Variants in ZC3H11A observed in about 807,000 individuals in gnomAD.
ZC3H11A encodes the protein zinc finger CCCH domain-containing protein 11A.
In ZC3H11A, 22 loss-of-function variants were observed where a neutral mutation model predicts 90.8. The observed-to-expected ratio is 0.24, with a 90% CI of 0.17 to 0.35. ZC3H11A has a LOEUF of 0.35. Among genes scored for constraint, ZC3H11A ranks in the 10% least tolerant of loss-of-function variants. The probability of loss-of-function intolerance (pLI) is 1.00; values close to 1 mark genes in which losing one functional copy is unlikely to be tolerated. For missense variants in ZC3H11A, 701 were observed against 964.9 expected (o/e 0.73, Z 3.62); for synonymous variants, 294 against 339.8 (o/e 0.87, Z 1.48).
chr1:203,811,618 T>G (rs1674513406), intron 2 of ZC3H11A, among the ~76,000 whole-genome samples: 1 of 152,002 alleles, frequency 6.6e-6, no homozygotes, highest in Non-Finnish European at 1.5e-5. Context: ...AAGCGATTCT[T>G]GTACATTAGC....
chr1:203,807,859 A>G (rs1011912092), intron 2 of ZC3H11A, among the ~76,000 whole-genome samples: 2 of 152,064 alleles, frequency 1.3e-5, no homozygotes, highest in African/African-American at 4.8e-5. Flanking sequence ...CTTCTGCCTC[A>G]GCGTCCCAAG....
chr1:203,816,042 G>A (rs1045431456), intron 2 of ZC3H11A, among the ~76,000 whole-genome samples: 2 of 152,152 alleles, frequency 1.3e-5, no homozygotes, highest in African/African-American at 4.8e-5. Flanking sequence ...CTTCATTAAC[G>A]TAAGCTAGAT....
At chr1:203,799,193 C>T (rs1287717775) in intron 1 of ZC3H11A, 1 of 1,178,658 alleles carries the variant, frequency 8.5e-7, no homozygotes, top group Non-Finnish European at 1.2e-6. Context: ...ATTTCCTTAT[C>T]CCTAGCTTCA....
rs1419399063 is a variant in ZC3H11A at position 203,854,060 on chromosome 1, C to T, written c.*1661C>T. On this transcript the variant is annotated 3_prime_UTR_variant, in exon 18 of 18. Transcript: ENST00000367210. Reference sequence around the variant, plus strand: ...TGTTTCGTGTTCCGCATTATTTGAACCATTTGCCCTTACAGAAAGAGAAAT... The same window carrying T: ...TGTTTCGTGTTCCGCATTATTTGAATCATTTGCCCTTACAGAAAGAGAAAT... The T allele has an allele frequency of 6.6e-6, 1 of 152,586 alleles. No individual in the cohort carries two copies. Among genetic ancestry groups the T allele is most frequent in the Non-Finnish European group, 1.5e-5 (1 of 68,038 alleles). 9.5% of individuals were successfully genotyped at this position (152,586 alleles called of 1,614,324 possible). A position where few individuals can be genotyped will look rare whatever the true frequency, so the allele number is the denominator to read the frequency against.
rs1553268924 is a variant in ZC3H11A, at chr1:203,841,156, T to TTA, written c.1042+782_1042+783insTA. Among the ~76,000 whole-genome samples, 9 of 144,140 alleles carry TTA rather than the reference T, an allele frequency of 6.2e-5. No homozygotes were observed. The South Asian group carries it at 6.4e-4, about 10-fold the overall frequency. The allele number at this position is 144,140 out of a possible 152,430, so 94.6% of individuals were successfully genotyped here. On this transcript the variant is annotated intron_variant, in intron 12 of 17. Transcript: ENST00000367210. ...AACATAAGAATCTTTTTTTTTTTTT[T>TTA]ATTTTTTTTTTTAGTATTTATTGAT... is the stretch of plus-strand genomic sequence containing the variant.
At chr1:203,842,906 A>G (rs1181739370) in intron 12 of ZC3H11A, among the ~76,000 whole-genome samples, 1 of 133,560 alleles carries the variant, frequency 7.5e-6, no homozygotes, top group Non-Finnish European at 1.6e-5. Context: ...ATGAACATCC[A>G]TGTATTCAGC....
chr1:203,797,802 C>T (rs904831183), intron 1 of ZC3H11A: 6 of 1,535,912 alleles, frequency 3.9e-6, no homozygotes, highest in Non-Finnish European at 8.7e-7. Context: ...ATCTGGGAGG[C>T]CTGTTGCAGA....
chr1:203,812,103 C>T (rs1674676921), intron 2 of ZC3H11A, among the ~76,000 whole-genome samples: 2 of 152,154 alleles, frequency 1.3e-5, no homozygotes, highest in Admixed American at 1.3e-4. Flanking sequence ...ATGTATGAGT[C>T]ACCACACTGG....
intron 2 of ZC3H11A, chr1:203,805,757 C>T (rs1017554569): frequency 4.4e-6 from 3 of 678,438 alleles, no homozygotes; most frequent in East Asian, 3.5e-5. Flanking sequence ...GCCACAAGCT[C>T]ATCACCCAGT....
rs776213740 is a variant in ZC3H11A at position 203,798,122 on chromosome 1, C to T, written c.-1588+2328C>T. On this transcript the variant is annotated intron_variant, in intron 1 of 17. Coordinates refer to ENST00000367210, the MANE Select transcript of ZC3H11A (RefSeq NM_001376342.1). ...TTGCTAGTGGAGAGGAGGACTTTAC[C>T]TTGGATGTGTCTTTATCTCCCTCTT... is the stretch of plus-strand genomic sequence containing the variant. 3.0e-5 allele frequency: 46 copies of T among 1,536,002 alleles called. 1 individual carries two copies. The South Asian group carries it at 5.2e-4, about 17-fold the overall frequency.
intron 2 of ZC3H11A, chr1:203,805,785 TAG>T: frequency 1.4e-6 from 1 of 713,176 alleles, no homozygotes; most frequent in East Asian, 3.4e-5. Flanking sequence ...ACTCTGCTTC[TAG>T]GTTGTCTTCA....
Position 203,829,801 on chromosome 1 carries a change from A to T in ZC3H11A, c.524A>T (p.Asp175Val). The T allele has an allele frequency of 6.2e-7, 1 of 1,614,078 alleles. No individual in the cohort carries two copies. The highest frequency in any genetic ancestry group is 8.5e-7 in the Non-Finnish European group (1 of 1,179,960). ...ATAGATCAGTTTTCTGAGGAAGGTG[A>T]TGAAACCAAAACACCTACCCTGCAA... ...DDDDQFSEEGDETKTPTLQPT... is the reference protein window; with the variant it reads ...DDDDQFSEEGVETKTPTLQPT... The change falls in exon 7 of 18, where the codon GAT (aspartate) becomes GTT (valine). Residue 175 changes from aspartate (D) to valine (V), a missense_variant. Coordinates refer to ENST00000367210, the MANE Select transcript of ZC3H11A (RefSeq NM_001376342.1).
chr1:203,829,350 A>G (rs1396722493), intron 5 of ZC3H11A, 101 bp from the exon 6 acceptor site: 2 of 1,189,272 alleles, frequency 1.7e-6, no homozygotes, highest in East Asian at 2.4e-5. Flanking sequence ...ATAAATGCTC[A>G]TAAGACAAAT....
chr1:203,834,345 C>T (rs1683492825), intron 10 of ZC3H11A, among the ~76,000 whole-genome samples: 1 of 152,170 alleles, frequency 6.6e-6, no homozygotes, highest in Non-Finnish European at 1.5e-5. Context: ...AATCTCAGCT[C>T]ACTGCAACCT....
At chr1:203,846,318 G>A (rs1687899717) in intron 12 of ZC3H11A, among the ~76,000 whole-genome samples, 1 of 151,914 alleles carries the variant, frequency 6.6e-6, no homozygotes, top group African/African-American at 2.4e-5. Flanking sequence ...GTGACATTTG[G>A]TCTTCAGTTT....
chr1:203,826,572 A>G (rs985801006), intron 4 of ZC3H11A, among the ~76,000 whole-genome samples: 1 of 152,116 alleles, frequency 6.6e-6, no homozygotes, highest in Non-Finnish European at 1.5e-5. Flanking sequence ...TGTATAATTG[A>G]ATTTTATCAC....
intron 2 of ZC3H11A, among the ~76,000 whole-genome samples, chr1:203,805,142 G>A (rs1671863433): frequency 1.0e-5 from 1 of 99,490 alleles, no homozygotes; most frequent in African/African-American, 3.7e-5. Flanking sequence ...ATACAGTAGT[G>A]ATTTTTTTTT....
rs139113788 is a variant in ZC3H11A, at chr1:203,852,189, G to A, written c.2223G>A (p.Glu741=). Residue 741 remains glutamate, a synonymous_variant, in exon 18 of 18, where the codon GAG becomes GAA. Transcript: ENST00000367210. ...TQSSSDSSPP[E]VSGPSSSQMS... ...CCTCTTCAGATTCCTCACCCCCGGA[G>A]GTGTCTGGCCCTTCCTCATCCCAAA... 4.5e-5 allele frequency: 73 copies of A among 1,613,474 alleles called. No homozygotes were observed. The African/African-American group carries it at 9.5e-4, about 21-fold the overall frequency.
chr1:203,823,185 G>A (rs1047694452), intron 4 of ZC3H11A, among the ~76,000 whole-genome samples: 3 of 152,170 alleles, frequency 2.0e-5, no homozygotes, highest in African/African-American at 7.2e-5. Context: ...AGATTCTCTA[G>A]GATGTATTCA....
Sources: gnomAD v4.1 joint callset for allele counts (sites outside exome capture counted in the v4.1 genomes callset) on GRCh38, gnomAD v4.1.1 for gene constraint, MANE v1.5 for transcripts, NCBI Gene and HGNC (gene_info 2026-07-23, HGNC 2026-07-21) for gene names.